PTPDC1: variants seen among roughly 807,000 people sequenced by gnomAD.
PTPDC1 encodes the protein protein tyrosine phosphatase domain-containing protein 1.
PTPDC1 carries 53 observed loss-of-function variants against 75.3 expected under a neutral mutation model. The ratio of observed to expected loss-of-function variants is 0.70; its 90% CI spans 0.56 to 0.88. PTPDC1 has a LOEUF of 0.88. Among genes scored for constraint, PTPDC1 ranks in the 40% least tolerant of loss-of-function variants. The probability of loss-of-function intolerance (pLI) is 0.00; values close to 1 mark genes in which losing one functional copy is unlikely to be tolerated. For synonymous variants in PTPDC1, 349 were observed against 366.2 expected (o/e 0.95, Z 0.54); for missense variants, 925 against 998.6 (o/e 0.93, Z 0.99).
chr9:94,086,676 G>T (rs1161693800), intron 2 of PTPDC1, among the ~76,000 whole-genome samples: 1 of 152,192 alleles, frequency 6.6e-6, no homozygotes, highest in Non-Finnish European at 1.5e-5. Context: ...TTGGGCGTCT[G>T]CCCACTCATT....
chr9:94,074,847 C>T (rs2117921985), intron 2 of PTPDC1, among the ~76,000 whole-genome samples: 1 of 152,238 alleles, frequency 6.6e-6, no homozygotes, highest in South Asian at 2.1e-4. Context: ...GTTTGTCTCC[C>T]CACTGGGCCT....
At chr9:94,040,958 G>A (rs939773744) in intron 1 of PTPDC1, among the ~76,000 whole-genome samples, 1 of 152,152 alleles carries the variant, frequency 6.6e-6, no homozygotes, top group African/African-American at 2.4e-5. Context: ...ACCTGAACAA[G>A]TTCTCCTTCA....
At chr9:94,099,215 C>A (rs1827744329) in intron 6 of PTPDC1, among the ~76,000 whole-genome samples, 1 of 152,192 alleles carries the variant, frequency 6.6e-6, no homozygotes, top group Non-Finnish European at 1.5e-5. Flanking sequence ...AAATGTTTAA[C>A]TCTTTTTTGT....
At chr9:94,073,089 T>C (rs187294223) in intron 2 of PTPDC1, among the ~76,000 whole-genome samples, 2 of 152,304 alleles carry the variant, frequency 1.3e-5, no homozygotes, top group South Asian at 2.1e-4. Context: ...TGTGGAAAAT[T>C]GGTGCCCATT....
intron 6 of PTPDC1, chr9:94,101,350 T>G: frequency 4.7e-6 from 2 of 424,604 alleles, no homozygotes; most frequent in East Asian, 7.1e-5. Context: ...GGGATGAGTT[T>G]CATAGAGAGA....
intron 1 of PTPDC1, among the ~76,000 whole-genome samples, chr9:94,039,910 C>T (rs1825381688): frequency 6.6e-6 from 1 of 151,996 alleles, no homozygotes; most frequent in African/African-American, 2.4e-5. Context: ...TTTTTTGACC[C>T]TTGTTAAAAA....
chr9:94,035,822 C>T (rs575229314), intron 1 of PTPDC1, among the ~76,000 whole-genome samples: 2 of 152,272 alleles, frequency 1.3e-5, no homozygotes, highest in South Asian at 4.1e-4. Context: ...CCTTTTTCCA[C>T]ATCTTTGCCA....
Position 94,035,079 on chromosome 9 carries a change from A to G in PTPDC1, c.-7+3952A>G, listed in dbSNP as rs75663474. Among the ~76,000 whole-genome samples the G allele has an allele frequency of 9.7e-3, 1,483 of 152,326 alleles. 130 individuals are homozygous for G. In the East Asian group the frequency reaches 0.22, roughly 23 times the overall value. On this transcript the variant is annotated intron_variant, in intron 1 of 9. Coordinates refer to the PTPDC1 transcript ENST00000375360. ...TCAACTCTTAGGTGGAAAAGATTCT[A>G]GGAATTTACATTTTCTCCACTTCCT... is the stretch of plus-strand genomic sequence containing the variant.
intron 2 of PTPDC1, chr9:94,064,841 C>G (rs10993039): frequency 0.12 from 194,588 of 1,562,958 alleles, 14,680 homozygotes; most frequent in East Asian, 0.28. Flanking sequence ...CTTTAATACA[C>G]TTTTTGTCTC....
intron 1 of PTPDC1, among the ~76,000 whole-genome samples, chr9:94,054,137 C>T (rs1424400668): frequency 2.6e-5 from 4 of 152,152 alleles, no homozygotes; most frequent in Non-Finnish European, 5.9e-5. Flanking sequence ...TAGGACAAGG[C>T]AGACAATAGA....
At chr9:94,080,775 T>G (rs1424989983), upstream of PTPDC1, among the ~76,000 whole-genome samples, 1 of 152,208 alleles carries the variant, frequency 6.6e-6, no homozygotes, top group Non-Finnish European at 1.5e-5. Context: ...GTCGTTTTAC[T>G]GTAAGGAACA....
intron 1 of PTPDC1, among the ~76,000 whole-genome samples, chr9:94,049,090 A>G (rs1047113892): frequency 1.3e-5 from 2 of 151,888 alleles, no homozygotes; most frequent in Non-Finnish European, 2.9e-5. Flanking sequence ...TTTTGAGCCT[A>G]TGTGTGTCTC....
At chr9:94,057,958 A>G (rs1825996517) in intron 1 of PTPDC1, among the ~76,000 whole-genome samples, 1 of 152,220 alleles carries the variant, frequency 6.6e-6, no homozygotes, top group African/African-American at 2.4e-5. Context: ...AAACTGGACA[A>G]CATATATAAT....
Position 94,088,236 on chromosome 9 carries a change from C to A in PTPDC1, c.589C>A (p.Leu197Ile). 3 of 1,613,916 alleles carry A rather than the reference C, an allele frequency of 1.9e-6. No individual in the cohort carries two copies. The change falls in exon 4 of 9, where the codon CTT becomes ATT. Residue 197 changes from leucine to isoleucine, a missense_variant. Physicochemically the swap from Leu to Ile is conservative, Grantham distance 5. Coordinates refer to ENST00000620992, the MANE Select transcript of PTPDC1 (RefSeq NM_001253829.2). ...PLEQESGFTY[L>I]PEAFMEAGIY... ...GGAACAAGAAAGTGGCTTCACATAC[C>A]TTCCTGAGGCTTTCATGGAGGCTGG...
chr9:94,074,566 C>A (rs1264917816), intron 2 of PTPDC1, among the ~76,000 whole-genome samples: 1 of 152,106 alleles, frequency 6.6e-6, no homozygotes, highest in Non-Finnish European at 1.5e-5. Flanking sequence ...GCCTCCCACT[C>A]CCCACCACCT....
intron 1 of PTPDC1, among the ~76,000 whole-genome samples, chr9:94,044,583 T>C (rs895712446): frequency 1.3e-5 from 2 of 152,230 alleles, no homozygotes; most frequent in African/African-American, 4.8e-5. Context: ...ACTTTGTATC[T>C]TGCAACCTTG....
chr9:94,081,021 GCT>G (rs1478115088), upstream of PTPDC1, among the ~76,000 whole-genome samples: 1 of 116,040 alleles, frequency 8.6e-6, no homozygotes, highest in Admixed American at 1.2e-4. Context: ...AGACAGTCCC[GCT>G]CTGTCACCCA....
chr9:94,101,697 C>T lies in PTPDC1; in HGVS notation c.2145C>T (p.Asp715=). ...KEPVITKEDV[D]MLVDRRADAA... ...CTGTAATCACCAAAGAGGATGTGGACATGTTGGTTGACAGGCGAGCAGATG... is the reference window on the plus strand; with the variant it reads ...CTGTAATCACCAAAGAGGATGTGGATATGTTGGTTGACAGGCGAGCAGATG... The change falls in exon 7 of 9, where the codon GAC becomes GAT. Residue 715 remains aspartate, a synonymous_variant. Coordinates refer to ENST00000620992, the MANE Select transcript of PTPDC1 (RefSeq NM_001253829.2). The T allele has an allele frequency of 5.6e-6, 9 of 1,613,030 alleles. No individual in the cohort carries two copies. Among genetic ancestry groups the T allele is most frequent in the Non-Finnish European group, 5.9e-6 (7 of 1,179,388 alleles).
intron 2 of PTPDC1, among the ~76,000 whole-genome samples, chr9:94,078,133 C>A (rs1826754806): frequency 6.6e-6 from 1 of 152,180 alleles, no homozygotes. Flanking sequence ...CACATGGATT[C>A]ACATTAGTCT....
Sources: allele counts gnomAD v4.1 joint callset (sites outside exome capture counted in the v4.1 genomes callset), GRCh38; gene constraint gnomAD v4.1.1; transcripts MANE v1.5; gene names NCBI Gene and HGNC (gene_info 2026-07-23, HGNC 2026-07-21).